The following HNF4A variants were observed in gnomAD, a reference collection of about 807,000 sequenced individuals.
The protein encoded by HNF4A is hepatocyte nuclear factor 4-alpha.
In HNF4A, 15 loss-of-function variants were observed where a neutral mutation model predicts 52.4. That is an observed-to-expected ratio of 0.29 (90% CI 0.19 to 0.44). HNF4A has a LOEUF of 0.44. HNF4A is among the 20% of genes least tolerant of loss of function. The pLI, the probability that HNF4A is intolerant of heterozygous loss-of-function variation, is 1.00. For synonymous variants in HNF4A, 280 were observed against 264.4 expected (o/e 1.06, Z -0.57); for missense variants, 479 against 647.2 (o/e 0.74, Z 2.82).
chr20:44,382,572 T>C (rs1184829055), intron 1 of HNF4A, among the ~76,000 whole-genome samples: 1 of 152,280 alleles, frequency 6.6e-6, no homozygotes, highest in Non-Finnish European at 1.5e-5. Context: ...TCCTCTGCCA[T>C]CCTAGGAAAA....
At chr20:44,364,200 G>C (rs911656744) in intron 1 of HNF4A, among the ~76,000 whole-genome samples, 1 of 151,940 alleles carries the variant, frequency 6.6e-6, no homozygotes, top group African/African-American at 2.4e-5. Flanking sequence ...TTTGACTTTT[G>C]TATATTTCTT....
chr20:44,355,774 C>A, exon 1 of HNF4A: 1 of 1,610,156 alleles, frequency 6.2e-7, no homozygotes, highest in Non-Finnish European at 8.5e-7. Flanking sequence ...CTCCTCCATG[C>A]CCCCAGCTCT....
At chr20:44,402,561 T>G (rs746482984) in intron 1 of HNF4A, 1 of 1,365,336 alleles carries the variant, frequency 7.3e-7, no homozygotes, top group Non-Finnish European at 9.8e-7. Context: ...CAGATTTTGT[T>G]GCCGCTGCGT....
intron 3 of HNF4A, among the ~76,000 whole-genome samples, chr20:44,409,976 T>C (rs1600715954): frequency 6.6e-6 from 1 of 152,322 alleles, no homozygotes; most frequent in Non-Finnish European, 1.5e-5. Context: ...TAGCTGGGAT[T>C]ACAGGCATGT....
chr20:44,405,004 G>GAC (rs2063476441), intron 1 of HNF4A, among the ~76,000 whole-genome samples: 2 of 33,328 alleles, frequency 6.0e-5, no homozygotes, highest in African/African-American at 1.1e-4. Context: ...CTTGTGTGTG[G>GAC]TGTGTGCGTG....
At chr20:44,356,899 T>A (rs780018194) in intron 1 of HNF4A, among the ~76,000 whole-genome samples, 8 of 152,196 alleles carry the variant, frequency 5.3e-5, no homozygotes, top group Non-Finnish European at 8.8e-5. Context: ...TAGTTGTGAC[T>A]CTGTCACACG....
At chr20:44,378,560 G>A (rs982341565) in intron 1 of HNF4A, among the ~76,000 whole-genome samples, 2 of 151,936 alleles carry the variant, frequency 1.3e-5, no homozygotes, top group Admixed American at 6.6e-5. Context: ...GAGCCACCAC[G>A]CCCAGCCGAC....
At chr20:44,422,162 C>T (rs1435150023) in intron 7 of HNF4A, among the ~76,000 whole-genome samples, 3 of 152,150 alleles carry the variant, frequency 2.0e-5, no homozygotes, top group Non-Finnish European at 4.4e-5. Context: ...CTCAAGCCCA[C>T]ATTCTTACCT....
At chr20:44,402,513 T>A (rs1409968707) in intron 1 of HNF4A, 1 of 1,303,678 alleles carries the variant, frequency 7.7e-7, no homozygotes, top group Non-Finnish European at 1.0e-6. Context: ...ACTCACCAAG[T>A]GAGATTCATA....
At chr20:44,421,907 T>G (rs1056496268) in intron 7 of HNF4A, among the ~76,000 whole-genome samples, 36 of 148,630 alleles carry the variant, frequency 2.4e-4, no homozygotes, top group Non-Finnish European at 4.0e-4. Flanking sequence ...ATATTATATA[T>G]AGAGAGAGTG....
upstream of HNF4A, among the ~76,000 whole-genome samples, chr20:44,399,749 C>T (rs1222327628): frequency 1.3e-5 from 2 of 152,174 alleles, no homozygotes; most frequent in Non-Finnish European, 2.9e-5. Context: ...CTCATTCATG[C>T]ATTCACTCAA....
intron 1 of HNF4A, among the ~76,000 whole-genome samples, chr20:44,364,452 G>T (rs964527801): frequency 6.6e-6 from 1 of 151,678 alleles, no homozygotes; most frequent in Non-Finnish European, 1.5e-5. Flanking sequence ...CTTAACCCAG[G>T]AATAGGTCAT....
chr20:44,376,555 T>A (rs547473018), intron 1 of HNF4A, among the ~76,000 whole-genome samples: 1 of 152,268 alleles, frequency 6.6e-6, no homozygotes, highest in South Asian at 2.1e-4. Context: ...TTTCTTTGGA[T>A]GTTGTTTGTT....
At chr20:44,392,900 A>G (rs1209999817) in intron 1 of HNF4A, among the ~76,000 whole-genome samples, 2 of 152,220 alleles carry the variant, frequency 1.3e-5, no homozygotes, top group African/African-American at 4.8e-5. Context: ...GGCAAGTGGA[A>G]CAAGGGCTGG....
At chr20:44,402,386 G>A (rs1205859121) in intron 1 of HNF4A, among the ~76,000 whole-genome samples, 3 of 152,040 alleles carry the variant, frequency 2.0e-5, no homozygotes, top group Admixed American at 6.6e-5. Context: ...GCGTTTTGTC[G>A]TGTGCCCATA....
chr20:44,411,069 A>G (rs1288030232), intron 3 of HNF4A, among the ~76,000 whole-genome samples: 2 of 152,222 alleles, frequency 1.3e-5, no homozygotes, highest in Non-Finnish European at 2.9e-5. Context: ...CCAGGGAGAC[A>G]GACACCTGCC....
At chr20:44,414,820 C>T (rs1401335144) in intron 5 of HNF4A, among the ~76,000 whole-genome samples, 158 bp downstream of exon 5, 1 of 152,212 alleles carries the variant, frequency 6.6e-6, no homozygotes, top group East Asian at 1.9e-4. Flanking sequence ...AATCACCTTA[C>T]AAATATTAAC....
chr20:44,375,344 C>T (rs2063073818), intron 1 of HNF4A, among the ~76,000 whole-genome samples: 1 of 152,102 alleles, frequency 6.6e-6, no homozygotes, highest in African/African-American at 2.4e-5. Context: ...TATTTTCTCC[C>T]ATTCTGTAGG....
intron 1 of HNF4A, among the ~76,000 whole-genome samples, chr20:44,368,418 C>T (rs2062996303): frequency 6.6e-6 from 1 of 151,530 alleles, no homozygotes; most frequent in Non-Finnish European, 1.5e-5. Context: ...CCACCTGCCT[C>T]GGCCTCCCAA....
Sources: gnomAD v4.1 joint callset for allele counts (sites outside exome capture counted in the v4.1 genomes callset) on GRCh38, gnomAD v4.1.1 for gene constraint, MANE v1.5 for transcripts, NCBI Gene and HGNC (gene_info 2026-07-23, HGNC 2026-07-21) for gene names.